ACAD11: variants seen among roughly 807,000 people sequenced by gnomAD.
ACAD11 encodes the protein acyl-Coenzyme A dehydrogenase family, member 11.
Under a neutral mutation model 102.2 loss-of-function variants are expected in ACAD11, and 83 were observed. That is an observed-to-expected ratio of 0.81 (90% CI 0.68 to 0.97). ACAD11 has a LOEUF of 0.97. Ranked by LOEUF, ACAD11 falls within the 50% of genes least tolerant of loss-of-function variation. ACAD11 has a pLI of 0.00. For missense variants in ACAD11, 901 were observed against 951.7 expected (o/e 0.95, Z 0.70); for synonymous variants, 324 against 319.8 (o/e 1.01, Z -0.14).
chr3:132,652,003 T>C (rs541013749), intron 1 of ACAD11, among the ~76,000 whole-genome samples: 17 of 152,274 alleles, frequency 1.1e-4, no homozygotes, highest in African/African-American at 3.9e-4. Flanking sequence ...TCAGAAGGCA[T>C]GATTCATTTT....
rs750988457 is a variant in ACAD11 at position 132,631,321 on chromosome 3, A to ATC, written c.841+19_841+20insGA. The ATC allele has an allele frequency of 7.3e-7, 1 of 1,362,466 alleles. No homozygotes were observed. The highest frequency in any genetic ancestry group is 2.2e-5 in the South Asian group (1 of 46,404). The allele number at this position is 1,362,466 out of a possible 1,614,324, so 84.4% of individuals were successfully genotyped here. ...CAGTTTTATATTAATAGCAATTTAGACAACATTATGTTTTTATACCTGAGT... is the reference window on the plus strand; with the variant it reads ...CAGTTTTATATTAATAGCAATTTAGATCCAACATTATGTTTTTATACCTGAGT... On this transcript the variant is annotated intron_variant, in intron 6 of 19. Coordinates refer to ENST00000264990, the MANE Select transcript of ACAD11 (RefSeq NM_032169.5).
chr3:132,642,048 G>A lies in ACAD11; in HGVS notation c.461C>T (p.Ala154Val), dbSNP rs1168139409. The change falls in exon 4 of 20, where the codon GCT (alanine) becomes GTT (valine). Residue 154 changes from alanine (A) to valine (V), a missense_variant. Physicochemically the swap from Ala to Val is moderately conservative, Grantham distance 64 (BLOSUM62 0). Coordinates refer to ENST00000264990, the MANE Select transcript of ACAD11 (RefSeq NM_032169.5). ...CTGTATATTCAAGGAATGTAACTGAGCCAATGTTTCTACCGTGGCCACATA... is the reference window on the plus strand; with the variant it reads ...CTGTATATTCAAGGAATGTAACTGAACCAATGTTTCTACCGTGGCCACATA... ...AIYVATVETL[A>V]QLHSLNIQSL... 1.2e-6 allele frequency: 2 copies of A among 1,613,954 alleles called. No homozygotes were observed. Among genetic ancestry groups the A allele is most frequent in the African/African-American group, 2.7e-5 (2 of 74,920 alleles).
chr3:132,613,491 T>C (rs1433269643), intron 11 of ACAD11, among the ~76,000 whole-genome samples: 1 of 151,988 alleles, frequency 6.6e-6, no homozygotes, highest in Non-Finnish European at 1.5e-5. Context: ...CAACATAGTA[T>C]TGGAAGTTCT....
intron 13 of ACAD11, among the ~76,000 whole-genome samples, chr3:132,592,490 C>T (rs1938120431): frequency 6.6e-6 from 1 of 152,132 alleles, no homozygotes; most frequent in Non-Finnish European, 1.5e-5. Context: ...AAAATTACAT[C>T]TCCCTGATGT....
intron 4 of ACAD11, 103 bp downstream of exon 4, chr3:132,641,869 C>A: frequency 9.2e-7 from 1 of 1,087,124 alleles, no homozygotes; most frequent in Non-Finnish European, 1.3e-6. Context: ...AAAGTCATGG[C>A]CAAGCTTCAG....
chr3:132,627,246 G>C (rs907296214), intron 8 of ACAD11, among the ~76,000 whole-genome samples: 1 of 152,124 alleles, frequency 6.6e-6, no homozygotes, highest in African/African-American at 2.4e-5. Flanking sequence ...CAATGTGTGA[G>C]GTGGGCGCCT....
rs775005994 is a variant in ACAD11 at position 132,615,837 on chromosome 3, C to A, written c.1414+2797G>T. Among the ~76,000 whole-genome samples the A allele has an allele frequency of 4.0e-4, 61 of 152,268 alleles. 1 individual carries two copies. Among genetic ancestry groups the A allele is most frequent in the Non-Finnish European group, 6.9e-4 (47 of 68,024 alleles). On this transcript the variant is annotated intron_variant, in intron 11 of 19. Coordinates refer to ENST00000264990, the MANE Select transcript of ACAD11 (RefSeq NM_032169.5). Reference sequence around the variant, plus strand: ...AAACAAATACCAGCCCAAAGGCCCCCAAATTTTCCAGTAATAGCTTTAGAA... The same window carrying A: ...AAACAAATACCAGCCCAAAGGCCCCAAAATTTTCCAGTAATAGCTTTAGAA...
chr3:132,642,174 T>A, intron 3 of ACAD11, 41 bp from the exon 4 acceptor site: 3 of 1,541,312 alleles, frequency 1.9e-6, no homozygotes, highest in Non-Finnish European at 2.6e-6. Flanking sequence ...ATGTGTATAA[T>A]CAATACTTTG....
Position 132,559,915 on chromosome 3 carries a change from G to A in ACAD11, c.2146C>T (p.Arg716Trp), listed in dbSNP as rs749232806. Residue 716 changes from arginine (R) to tryptophan (W), a missense_variant, in exon 19 of 20, where the codon CGG becomes TGG. Arg to Trp is a moderately radical substitution (Grantham distance 101). Coordinates refer to ENST00000264990, the MANE Select transcript of ACAD11 (RefSeq NM_032169.5). ...EIAMIKVAAP[R>W]AVSKIVDWAI... ...CAGTCAACGATTTTGCTGACAGCCCGTGGGGCAGCCACTTTGATCATTGCA... is the reference window on the plus strand; with the variant it reads ...CAGTCAACGATTTTGCTGACAGCCCATGGGGCAGCCACTTTGATCATTGCA... The A allele has an allele frequency of 3.7e-6, 6 of 1,613,168 alleles. No homozygotes were observed. The highest frequency in any genetic ancestry group is 1.7e-4 in the Middle Eastern group (1 of 6,060).
At chr3:132,644,041 T>G (rs928240409) in intron 2 of ACAD11, among the ~76,000 whole-genome samples, 1 of 152,164 alleles carries the variant, frequency 6.6e-6, no homozygotes, top group Admixed American at 6.5e-5. Flanking sequence ...GCATCCAACT[T>G]ACTTCATGTT....
chr3:132,578,373 A>T (rs1937551912), intron 15 of ACAD11, among the ~76,000 whole-genome samples: 1 of 152,194 alleles, frequency 6.6e-6, no homozygotes, highest in African/African-American at 2.4e-5. Context: ...TTTGCACTCA[A>T]ATAAGTCAAA....
chr3:132,623,069 TC>T (rs1196379155), intron 9 of ACAD11, among the ~76,000 whole-genome samples: 6 of 152,198 alleles, frequency 3.9e-5, no homozygotes, highest in African/African-American at 1.2e-4. Context: ...TTTAATATTT[TC>T]CAATTGGAAG....
chr3:132,601,707 C>T (rs1419329458), intron 13 of ACAD11: 6 of 450,206 alleles, frequency 1.3e-5, no homozygotes, highest in South Asian at 6.5e-5. Context: ...TCTGCTGTAA[C>T]GAAGAAGAGC....
chr3:132,621,978 C>CAA lies in ACAD11; in HGVS notation c.1198-2435_1198-2434dup, dbSNP rs546732705. Among the ~76,000 whole-genome samples the CAA allele has an allele frequency of 2.0e-4, 16 of 79,918 alleles. No homozygotes were observed. In the South Asian group the frequency reaches 2.2e-3, roughly 11 times the overall value. The allele number at this position is 79,918 out of a possible 152,430, so 52.4% of individuals were successfully genotyped here. On this transcript the variant is annotated intron_variant, in intron 9 of 19. Transcript: ENST00000264990. ...TGGGTGACAGAATGAGACTCTGTCT[C>CAA]AAAAAAAAAAAAAAAAAAGCCACAT...
chr3:132,589,345 G>A (rs1370668509), intron 13 of ACAD11, among the ~76,000 whole-genome samples: 1 of 152,104 alleles, frequency 6.6e-6, no homozygotes, highest in Non-Finnish European at 1.5e-5. Context: ...CTTTCATTGT[G>A]GATCTTACCT....
chr3:132,578,922 A>T, intron 14 of ACAD11, 41 bp from the exon 15 acceptor site: 1 of 1,609,292 alleles, frequency 6.2e-7, no homozygotes, highest in Non-Finnish European at 8.5e-7. Context: ...GTTTGCTAAG[A>T]AGAAAAATAA....
chr3:132,613,058 G>A (rs1939230403), intron 11 of ACAD11, among the ~76,000 whole-genome samples: 1 of 151,980 alleles, frequency 6.6e-6, no homozygotes, highest in Non-Finnish European at 1.5e-5. Context: ...AAAAAATAAT[G>A]AGTTCATGTC....
chr3:132,579,480 T>C lies in ACAD11; in HGVS notation c.1688+12A>G. On this transcript the variant is annotated intron_variant, in intron 14 of 19. Coordinates refer to ENST00000264990, the MANE Select transcript of ACAD11 (RefSeq NM_032169.5). Reference sequence around the variant, plus strand: ...TCCTACACAGGTTTCTCAATCAGAATTGTTTAATTACCTGGAGAGAGAAGT... The same window carrying C: ...TCCTACACAGGTTTCTCAATCAGAACTGTTTAATTACCTGGAGAGAGAAGT... 1 of 1,608,236 alleles carries C rather than the reference T, an allele frequency of 6.2e-7. No homozygotes were observed. Among genetic ancestry groups the C allele is most frequent in the Non-Finnish European group, 8.5e-7 (1 of 1,175,700 alleles).
At chr3:132,631,252 C>T in intron 6 of ACAD11, 89 bp downstream of exon 6, 3 of 756,690 alleles carry the variant, frequency 4.0e-6, no homozygotes, top group Non-Finnish European at 5.6e-6. Context: ...AAACTATTAT[C>T]TAAAATTGCA....
Sources: allele counts gnomAD v4.1 joint callset (sites outside exome capture counted in the v4.1 genomes callset), GRCh38; gene constraint gnomAD v4.1.1; transcripts MANE v1.5; gene names NCBI Gene and HGNC (gene_info 2026-07-23, HGNC 2026-07-21).